Variants in ABCG5 observed in about 807,000 individuals in gnomAD.
The protein encoded by ABCG5 is ATP binding cassette subfamily G member 5.
ABCG5 carries 64 observed loss-of-function variants against 64.5 expected under a neutral mutation model. The observed-to-expected ratio is 0.99, with a 90% CI of 0.81 to 1.22. ABCG5 has a LOEUF of 1.22. Ranked by LOEUF, ABCG5 falls within the 50% of genes most tolerant of loss-of-function variation. The pLI, the probability that ABCG5 is intolerant of heterozygous loss-of-function variation, is 0.00. For missense variants in ABCG5, 908 were observed against 829.5 expected, an observed-to-expected ratio of 1.09 and a Z score of -1.16; for synonymous variants, 385 against 326.3, an observed-to-expected ratio of 1.18 and a Z score of -1.94.
At chr2:43,826,957 A>C (rs1040433154) in intron 5 of ABCG5, among the ~76,000 whole-genome samples, 2 of 152,246 alleles carry the variant, frequency 1.3e-5, no homozygotes, top group Admixed American at 1.3e-4. Flanking sequence ...AAATCTGACG[A>C]ATAAAACAAG....
chr2:43,835,777 G>A (rs1668223902), intron 2 of ABCG5, among the ~76,000 whole-genome samples: 1 of 152,122 alleles, frequency 6.6e-6, no homozygotes, highest in Non-Finnish European at 1.5e-5. Context: ...TGGCTGTCTA[G>A]GAGGAAGTCT....
At chr2:43,822,561 C>G in intron 10 of ABCG5, 1 of 984,140 alleles carries the variant, frequency 1.0e-6, no homozygotes, top group Non-Finnish European at 1.2e-6. Context: ...TGGGACAGGT[C>G]ATTCCCAGGC....
chr2:43,827,809 A>T (rs1317358888), intron 5 of ABCG5, among the ~76,000 whole-genome samples, 174 bp downstream of exon 5: 1 of 152,204 alleles, frequency 6.6e-6, no homozygotes, highest in Admixed American at 6.5e-5. Flanking sequence ...CGCATCAGGA[A>T]ATGAACTGTA....
intron 3 of ABCG5, 25 bp downstream of exon 3, chr2:43,831,922 C>G (rs780322450): frequency 2.6e-6 from 4 of 1,543,708 alleles, no homozygotes; most frequent in South Asian, 1.2e-5. Context: ...GGCGGGGGGG[C>G]CAGGGGTGTG....
At chr2:43,817,037 G>C (rs1238519504) in intron 11 of ABCG5, among the ~76,000 whole-genome samples, 1 of 152,200 alleles carries the variant, frequency 6.6e-6, no homozygotes, top group Non-Finnish European at 1.5e-5. Flanking sequence ...GGAGAAAAAT[G>C]GGTAAATGGA....
At chr2:43,824,781 A>C (rs1400587078) in intron 7 of ABCG5, 108 bp downstream of exon 7, 4 of 1,547,174 alleles carry the variant, frequency 2.6e-6, no homozygotes, top group Non-Finnish European at 3.5e-6. Context: ...TAAAACACAA[A>C]AACAAAAGCA....
In ABCG5 at chr2:43,832,036, GC is replaced by G; in HGVS notation, c.312del (p.Arg105AlafsTer11). On this transcript the variant is annotated frameshift_variant, in exon 3 of 13. Transcript: ENST00000405322. LOFTEE classifies it high-confidence loss of function. ...TLLDAMSGRL[G>X]RAGTFLGEVY... ...ACCTCCCCCAGGAAGGTCCCCGCGC[GC>G]CCCAGCCTCCCGGACATGGCGTCCA... is the stretch of plus-strand genomic sequence containing the variant. 1 of 1,576,362 alleles carries G rather than the reference GC, an allele frequency of 6.3e-7. No individual in the cohort carries two copies. The highest frequency in any genetic ancestry group is 8.6e-7 in the Non-Finnish European group (1 of 1,161,468).
intron 2 of ABCG5, 65 bp from the exon 3 acceptor site, chr2:43,832,148 A>T: frequency 6.4e-7 from 1 of 1,550,982 alleles, no homozygotes; most frequent in Non-Finnish European, 8.7e-7. Flanking sequence ...GAGCTTCCCG[A>T]GACCCTCTGT....
intron 10 of ABCG5, 142 bp from the exon 11 acceptor site, chr2:43,820,242 C>T (rs559130449): frequency 5.1e-6 from 5 of 975,970 alleles, no homozygotes; most frequent in Admixed American, 2.2e-5. Flanking sequence ...TTTGAAAGGC[C>T]GTTTTGGAAA....
Position 43,814,345 on chromosome 2 carries a change from A to T in ABCG5, c.1762+132T>A, listed in dbSNP as rs181791852. 5.2e-4 allele frequency: 346 copies of T among 667,928 alleles called. 1 individual carries two copies. In the East Asian group the frequency reaches 8.0e-3, roughly 15 times the overall value. 41.4% of individuals were successfully genotyped at this position (667,928 alleles called of 1,614,324 possible). A position where few individuals can be genotyped will look rare whatever the true frequency, so the allele number is the denominator to read the frequency against. ...TCTTAAAAATCAGAGAAAATGTTGGACTGTATTTCAAAACAGAGTTTTAAA... is the reference window on the plus strand; with the variant it reads ...TCTTAAAAATCAGAGAAAATGTTGGTCTGTATTTCAAAACAGAGTTTTAAA... On this transcript the variant is annotated intron_variant, in intron 12 of 12. Coordinates refer to ENST00000405322, the MANE Select transcript of ABCG5 (RefSeq NM_022436.3).
At chr2:43,809,188 C>A (rs1270479187), downstream of ABCG5, among the ~76,000 whole-genome samples, 1 of 152,078 alleles carries the variant, frequency 6.6e-6, no homozygotes, top group Non-Finnish European at 1.5e-5. Flanking sequence ...GACACGGTCT[C>A]CCTATGTTGC....
At chr2:43,815,076 C>A (rs72873552) in intron 11 of ABCG5, among the ~76,000 whole-genome samples, 2,019 of 152,196 alleles carry the variant, frequency 0.013, 37 homozygotes, top group African/African-American at 0.045. Flanking sequence ...TAACACATAC[C>A]AATTGGAGGA....
rs1160110820 is a variant in ABCG5 at position 43,822,987 on chromosome 2, AG to A, written c.1325-53del. On this transcript the variant is annotated intron_variant, in intron 9 of 12. Coordinates refer to ENST00000405322, the MANE Select transcript of ABCG5 (RefSeq NM_022436.3). ...CAGTCAGTCACCACCCAGCTGAAAA[AG>A]GGAGGGCTAGCCCAAGCTGAATGTG... 1.9e-6 allele frequency: 3 copies of A among 1,603,590 alleles called. No homozygotes were observed. In the African/African-American group the frequency reaches 4.0e-5, roughly 21 times the overall value.
the ABCG5 span, among the ~76,000 whole-genome samples, chr2:43,806,649 A>G: frequency 6.6e-6 from 1 of 152,146 alleles, no homozygotes; most frequent in Non-Finnish European, 1.5e-5. Context: ...TGTTGATAAG[A>G]ATATCTGTTT....
At chr2:43,810,635 G>A (rs892854225), downstream of ABCG5, 3 of 525,358 alleles carry the variant, frequency 5.7e-6, no homozygotes, top group African/African-American at 4.2e-5. Context: ...CCCCAAGGGA[G>A]TACTGTCTGA....
At position 43,824,018 on chromosome 2, in the gene ABCG5, C is replaced by A. The variant is rs1260217166; in HGVS notation, c.1219G>T (p.Val407Phe). 6.2e-7 allele frequency: 1 copy of A among 1,614,192 alleles called. No individual in the cohort carries two copies. The change falls in exon 9 of 13, where the codon GTC becomes TTC. Residue 407 changes from valine (V) to phenylalanine (F), a missense_variant. Coordinates refer to ENST00000405322, the MANE Select transcript of ABCG5 (RefSeq NM_022436.3). ...GLFLLFFVLR[V>F]RSNVLKGAIQ... The stretch of plus-strand genomic sequence containing the variant: ...GCACCCTTTAGCACATTGCTTCGGA[C>A]CCGCAGAACGAAGAAAAGGAGGAAC...
At chr2:43,809,766 G>A, downstream of ABCG5, 1 of 1,610,178 alleles carries the variant, frequency 6.2e-7, no homozygotes, top group Non-Finnish European at 8.5e-7. Flanking sequence ...CTTGATTCTT[G>A]AACCTATTTC....
Position 43,838,097 on chromosome 2 carries a change from C to T in ABCG5, c.144-142G>A. 2 of 1,146,880 alleles carry T rather than the reference C, an allele frequency of 1.7e-6. No individual in the cohort carries two copies. The highest frequency in any genetic ancestry group is 2.5e-6 in the Non-Finnish European group (2 of 792,982). The allele number at this position is 1,146,880 out of a possible 1,614,324, so 71.0% of individuals were successfully genotyped here. The stretch of plus-strand genomic sequence containing the variant: ...TAACGTGTTTCAGTCTCTGCGCCCT[C>T]CTCTGTAGAACCTGGCAGATAGCGA... On this transcript the variant is annotated intron_variant, in intron 1 of 12. Transcript: ENST00000405322. This position sits in a 1 kb window ranked among gnomAD's most constrained non-coding sequence, Gnocchi z 4.2.
In ABCG5 at chr2:43,827,841, G is replaced by A. The variant is rs1667713677; in HGVS notation, c.634+142C>T. The A allele has an allele frequency of 1.3e-5, 17 of 1,333,782 alleles. No individual in the cohort carries two copies. The South Asian group carries it at 2.2e-4, about 17-fold the overall frequency. The allele number at this position is 1,333,782 out of a possible 1,614,324, so 82.6% of individuals were successfully genotyped here. On this transcript the variant is annotated intron_variant, in intron 5 of 12. Transcript: ENST00000405322. ...TGTACAGCATTTCCAAAAAAACTGG[G>A]TCCTCAGTTTGAAAAACCTGTGATT...
Sources: allele counts gnomAD v4.1 joint callset (sites outside exome capture counted in the v4.1 genomes callset), GRCh38; gene constraint gnomAD v4.1.1; non-coding constraint Gnocchi (gnomAD v3.1); transcripts MANE v1.5; gene names NCBI Gene and HGNC (gene_info 2026-07-23, HGNC 2026-07-21).